TXLNB: variants seen among roughly 807,000 people sequenced by gnomAD.
The protein encoded by TXLNB is beta-taxilin.
Under a neutral mutation model 57.4 loss-of-function variants are expected in TXLNB, and 37 were observed. The ratio of observed to expected loss-of-function variants is 0.64; its 90% CI spans 0.50 to 0.85. The LOEUF (loss-of-function observed/expected upper bound fraction) is 0.85, where lower values mean the gene tolerates loss of function less well. TXLNB is among the 40% of genes least tolerant of loss of function. The pLI, the probability that TXLNB is intolerant of heterozygous loss-of-function variation, is 0.00. For missense variants in TXLNB, 848 were observed against 825.6 expected (o/e 1.03, Z -0.33); for synonymous variants, 302 against 309.6 (o/e 0.98, Z 0.26).
chr6:139,218,227 G>T, the TXLNB span, among the ~76,000 whole-genome samples: 1 of 152,146 alleles, frequency 6.6e-6, no homozygotes, highest in Admixed American at 6.5e-5. Context: ...GTACAAGTAC[G>T]TTTGTATGTA....
chr6:139,166,038 C>T, the TXLNB span: 2 of 397,556 alleles, frequency 5.0e-6, no homozygotes, highest in African/African-American at 2.1e-5. Flanking sequence ...GTATTCAGGA[C>T]AACCTAAAGC....
the TXLNB span, among the ~76,000 whole-genome samples, chr6:139,167,601 G>A: frequency 2.0e-5 from 3 of 152,200 alleles, no homozygotes; most frequent in African/African-American, 7.2e-5. Flanking sequence ...AATGGGGAAG[G>A]AAATTAGTGG....
intron 3 of TXLNB, among the ~76,000 whole-genome samples, chr6:139,274,403 T>C (rs1399381755): frequency 6.6e-6 from 1 of 152,212 alleles, no homozygotes; most frequent in Non-Finnish European, 1.5e-5. Flanking sequence ...AAAATTGAAA[T>C]TCCTCATAAT....
At chr6:139,314,830 G>A in the TXLNB span, among the ~76,000 whole-genome samples, 1 of 152,238 alleles carries the variant, frequency 6.6e-6, no homozygotes, top group East Asian at 1.9e-4. Flanking sequence ...TCATTCCTGG[G>A]CGTAGGGCGA....
At position 139,269,404 on chromosome 6, in the gene TXLNB, G is replaced by A. The variant is rs115226361; in HGVS notation, c.687+1052C>T. ...TGAATCCAAACCTTGAGTTGAGGAC[G>A]ATGCTTCCATCCTCAGGCCCCCATT... On this transcript the variant is annotated intron_variant, in intron 4 of 9. Transcript: ENST00000358430. Among the ~76,000 whole-genome samples, 850 of 152,280 alleles carry A rather than the reference G, an allele frequency of 5.6e-3. 4 individuals carry two copies. Among genetic ancestry groups the A allele is most frequent in the African/African-American group, 0.02 (814 of 41,538 alleles).
At chr6:139,189,395 T>C in the TXLNB span, among the ~76,000 whole-genome samples, 7 of 152,232 alleles carry the variant, frequency 4.6e-5, no homozygotes, top group Non-Finnish European at 1.0e-4. Context: ...AAGAAGAATA[T>C]TTAAAATAGT....
At position 139,288,910 on chromosome 6, in the gene TXLNB, G is replaced by A. The variant is rs769800241; in HGVS notation, c.-11C>T. 1 of 1,606,632 alleles carries A rather than the reference G, an allele frequency of 6.2e-7. No homozygotes were observed. The highest frequency in any genetic ancestry group is 2.2e-5 in the East Asian group (1 of 44,726). On this transcript the variant is annotated 5_prime_UTR_variant, in exon 2 of 10. Transcript: ENST00000358430. ...GTGATTAGCCTCCATCTTGGGAGTA[G>A]TATCTAGTGGTAAGCACAGTTAGGC...
At chr6:139,180,154 G>T in the TXLNB span, 1 of 152,128 alleles carries the variant, frequency 6.6e-6, no homozygotes, top group Non-Finnish European at 1.5e-5. Flanking sequence ...TTCCTTAAAT[G>T]CCCTTTAACT....
In TXLNB at chr6:139,240,302, C is replaced by G. The variant is rs1775902765; in HGVS notation, c.*2224G>C. Reference sequence around the variant, plus strand: ...TTCTTTGAATATTAAAATAATTCCCCCAAAACCTATATTAAGCTTTACAAA... The same window carrying G: ...TTCTTTGAATATTAAAATAATTCCCGCAAAACCTATATTAAGCTTTACAAA... On this transcript the variant is annotated 3_prime_UTR_variant, in exon 10 of 10. Transcript: ENST00000358430. The G allele has an allele frequency of 6.6e-6, 1 of 152,582 alleles. No homozygotes were observed. Among genetic ancestry groups the G allele is most frequent in the African/African-American group, 2.4e-5 (1 of 41,434 alleles). 9.5% of individuals were successfully genotyped at this position (152,582 alleles called of 1,614,324 possible). A position where few individuals can be genotyped will look rare whatever the true frequency, so the allele number is the denominator to read the frequency against.
chr6:139,250,169 ATG>A (rs1198552847), intron 7 of TXLNB, among the ~76,000 whole-genome samples: 1 of 139,236 alleles, frequency 7.2e-6, no homozygotes, highest in African/African-American at 2.8e-5. Flanking sequence ...CACATGCCCC[ATG>A]TCTGGCTTTT....
chr6:139,231,242 A>G, the TXLNB span, among the ~76,000 whole-genome samples: 1 of 152,136 alleles, frequency 6.6e-6, no homozygotes, highest in Non-Finnish European at 1.5e-5. Flanking sequence ...ATGCTGTCAG[A>G]GTTTTCCTTC....
chr6:139,209,878 C>G, the TXLNB span, among the ~76,000 whole-genome samples: 1 of 151,940 alleles, frequency 6.6e-6, no homozygotes. Flanking sequence ...CTAATTAAAC[C>G]AAAAAGATTC....
At chr6:139,215,824 G>C in the TXLNB span, among the ~76,000 whole-genome samples, 1 of 152,180 alleles carries the variant, frequency 6.6e-6, no homozygotes, top group Non-Finnish European at 1.5e-5. Context: ...GATATGAACA[G>C]ACACTTCTCT....
the TXLNB span, chr6:139,166,314 G>C: frequency 3.1e-6 from 5 of 1,611,334 alleles, no homozygotes; most frequent in Non-Finnish European, 4.2e-6. Flanking sequence ...CTGATCTGCA[G>C]CTTCGGTAGG....
At chr6:139,258,263 G>A (rs115197213) in intron 6 of TXLNB, among the ~76,000 whole-genome samples, 3,936 of 152,208 alleles carry the variant, frequency 0.026, 77 homozygotes, top group Middle Eastern at 0.048. Flanking sequence ...TGCTAAGGCT[G>A]GGTCGTCTCA....
chr6:139,226,169 G>A, the TXLNB span, among the ~76,000 whole-genome samples: 9 of 151,678 alleles, frequency 5.9e-5, no homozygotes, highest in Non-Finnish European at 1.2e-4. Flanking sequence ...CTGGTGATGC[G>A]TGCCTGTAGT....
chr6:139,181,266 A>G, the TXLNB span, among the ~76,000 whole-genome samples: 27 of 152,364 alleles, frequency 1.8e-4, no homozygotes, highest in African/African-American at 6.5e-4. Context: ...CCATACAGTA[A>G]TCCCCCCTTA....
chr6:139,234,917 A>G, the TXLNB span, among the ~76,000 whole-genome samples: 1,297 of 152,350 alleles, frequency 8.5e-3, 7 homozygotes, highest in South Asian at 0.035. Flanking sequence ...TGCACCCTGC[A>G]AAGCCACAGG....
the TXLNB span, among the ~76,000 whole-genome samples, chr6:139,311,510 TG>T: frequency 1.6e-4 from 10 of 63,836 alleles, no homozygotes; most frequent in African/African-American, 4.1e-4. Context: ...TTTTGGGGGG[TG>T]GGGGGGTGTG....
Sources: gnomAD v4.1 joint callset for allele counts (sites outside exome capture counted in the v4.1 genomes callset) on GRCh38, gnomAD v4.1.1 for gene constraint, MANE v1.5 for transcripts, NCBI Gene and HGNC (gene_info 2026-07-23, HGNC 2026-07-21) for gene names.